CELF2: variants seen among roughly 807,000 people sequenced by gnomAD.
CELF2 encodes the protein CUGBP Elav-like family member 2, also known as CUG triplet repeat RNA-binding protein 2.
A neutral mutation model predicts 62.6 loss-of-function variants in CELF2; 8 were observed. The ratio of observed to expected loss-of-function variants is 0.13; its 90% CI spans 0.07 to 0.23. The LOEUF (loss-of-function observed/expected upper bound fraction) is 0.23. CELF2 is among the 10% of genes least tolerant of loss of function. The probability of loss-of-function intolerance (pLI) is 1.00; values close to 1 mark genes in which losing one functional copy is unlikely to be tolerated. For missense variants in CELF2, 333 were observed against 671.0 expected, an observed-to-expected ratio of 0.50 and a Z score of 5.56; for synonymous variants, 258 against 250.0, an observed-to-expected ratio of 1.03 and a Z score of -0.30.
At chr10:11,009,005 CGGGGGG>C (rs59251408) in intron 1 of CELF2, among the ~76,000 whole-genome samples, 51 of 65,866 alleles carry the variant, frequency 7.7e-4, no homozygotes, top group African/African-American at 1.8e-3. Context: ...GGGGAATTTG[CGGGGGG>C]GGGGGGGGAG....
the CELF2 span, among the ~76,000 whole-genome samples, chr10:10,756,865 T>C: frequency 6.6e-6 from 1 of 152,160 alleles, no homozygotes; most frequent in Non-Finnish European, 1.5e-5. Flanking sequence ...CTACGGGGAC[T>C]GGGCGCAGTG....
At chr10:10,512,401 CTT>C in the CELF2 span, among the ~76,000 whole-genome samples, 53 of 109,172 alleles carry the variant, frequency 4.9e-4, no homozygotes, top group African/African-American at 1.3e-3. Context: ...TTTTGGAACG[CTT>C]TTTTTTTTTT....
At chr10:10,709,313 C>G in the CELF2 span, among the ~76,000 whole-genome samples, 1 of 152,218 alleles carries the variant, frequency 6.6e-6, no homozygotes, top group Non-Finnish European at 1.5e-5. Flanking sequence ...ATGGGGACTT[C>G]TTTCAAAAGA....
the CELF2 span, among the ~76,000 whole-genome samples, chr10:10,596,448 G>A: frequency 5.8e-3 from 886 of 152,320 alleles, 2 homozygotes; most frequent in Non-Finnish European, 8.1e-3. Flanking sequence ...AACACTGCTT[G>A]CGTGGGGCTT....
intron 5 of CELF2, among the ~76,000 whole-genome samples, chr10:11,259,231 G>A (rs901752266): frequency 6.6e-6 from 1 of 152,178 alleles, no homozygotes; most frequent in African/African-American, 2.4e-5. Flanking sequence ...AGCACCATGT[G>A]AGGAAGAACA....
the CELF2 span, among the ~76,000 whole-genome samples, chr10:10,766,859 C>G: frequency 2.0e-4 from 31 of 152,330 alleles, no homozygotes; most frequent in African/African-American, 7.5e-4. Context: ...TGTACCCACT[C>G]ACACATGTCT....
At chr10:11,078,709 G>A (rs994353213) in intron 1 of CELF2, among the ~76,000 whole-genome samples, 5 of 152,248 alleles carry the variant, frequency 3.3e-5, no homozygotes, top group Admixed American at 2.6e-4. Flanking sequence ...CTTCATGCAC[G>A]GCTTGCAGAA....
At chr10:11,083,445 A>T (rs1005813581) in intron 1 of CELF2, among the ~76,000 whole-genome samples, 1 of 152,180 alleles carries the variant, frequency 6.6e-6, no homozygotes, top group African/African-American at 2.4e-5. Flanking sequence ...TAGCGTGATG[A>T]TGGTGGTATC....
At chr10:11,161,186 C>T (rs2065638356) in intron 1 of CELF2, among the ~76,000 whole-genome samples, 1 of 152,210 alleles carries the variant, frequency 6.6e-6, no homozygotes, top group South Asian at 2.1e-4. Flanking sequence ...AACAAGATTT[C>T]ATTTTCATCT....
the CELF2 span, among the ~76,000 whole-genome samples, chr10:10,691,342 T>A: frequency 3.3e-5 from 5 of 150,544 alleles, no homozygotes; most frequent in African/African-American, 1.2e-4. Flanking sequence ...GAACTCATCA[T>A]TTTTTATGGC....
At chr10:10,794,490 A>T (rs1376692183), upstream of CELF2, among the ~76,000 whole-genome samples, 1 of 152,230 alleles carries the variant, frequency 6.6e-6, no homozygotes, top group African/African-American at 2.4e-5. Context: ...TCAGATCCTT[A>T]GGAAGAAAAC....
chr10:10,699,856 A>C, the CELF2 span, among the ~76,000 whole-genome samples: 1 of 152,192 alleles, frequency 6.6e-6, no homozygotes, highest in Non-Finnish European at 1.5e-5. Flanking sequence ...CTGGTGGCCT[A>C]TTGTGAAGAA....
At chr10:10,649,959 C>G in the CELF2 span, among the ~76,000 whole-genome samples, 1 of 150,838 alleles carries the variant, frequency 6.6e-6, no homozygotes, top group Non-Finnish European at 1.5e-5. Flanking sequence ...GATCGATGCC[C>G]GAGACAACAC....
the CELF2 span, among the ~76,000 whole-genome samples, chr10:10,692,416 GTAGTA>G: frequency 6.7e-6 from 1 of 149,398 alleles, no homozygotes; most frequent in Non-Finnish European, 1.5e-5. Flanking sequence ...CTGTAGCCTT[GTAGTA>G]TAGTTTGAAG....
chr10:11,051,931 C>G (rs2064021887), intron 1 of CELF2, among the ~76,000 whole-genome samples: 1 of 133,638 alleles, frequency 7.5e-6, no homozygotes, highest in Non-Finnish European at 1.5e-5. Context: ...GAGACAGGGT[C>G]TCTGTGGCCC....
intron 3 of CELF2, among the ~76,000 whole-genome samples, chr10:11,226,385 A>G (rs74582934): frequency 0.087 from 13,284 of 152,298 alleles, 578 homozygotes; most frequent in Middle Eastern, 0.15. Context: ...CGGTCCCGGC[A>G]AGTGGTCCTG....
At chr10:10,796,311 A>G (rs1181307153), upstream of CELF2, among the ~76,000 whole-genome samples, 2 of 152,234 alleles carry the variant, frequency 1.3e-5, no homozygotes, top group Non-Finnish European at 2.9e-5. Flanking sequence ...TAATGAAATT[A>G]GAACCGTTCC....
At chr10:10,715,086 C>T in the CELF2 span, among the ~76,000 whole-genome samples, 1 of 151,960 alleles carries the variant, frequency 6.6e-6, no homozygotes, top group African/African-American at 2.4e-5. Flanking sequence ...TTGAAGAGCT[C>T]CCAGAAATAA....
the CELF2 span, among the ~76,000 whole-genome samples, chr10:10,768,165 C>CA: frequency 0.012 from 1,128 of 91,718 alleles, 10 homozygotes; most frequent in African/African-American, 0.026. Flanking sequence ...GACTCCGTCT[C>CA]AAAAAAAAAA....
Sources: allele counts gnomAD v4.1 joint callset (sites outside exome capture counted in the v4.1 genomes callset), GRCh38; gene constraint gnomAD v4.1.1; transcripts MANE v1.5; gene names NCBI Gene and HGNC (gene_info 2026-07-23, HGNC 2026-07-21).